Variants in SLC3A1 observed in about 807,000 individuals in gnomAD.
The protein encoded by SLC3A1 is amino acid transporter heavy chain SLC3A1.
A neutral mutation model predicts 60.3 loss-of-function variants in SLC3A1; 78 were observed. The observed-to-expected ratio is 1.29, with a 90% confidence interval of 1.08 to 1.56. SLC3A1 has a LOEUF of 1.56. Ranked by LOEUF, SLC3A1 falls within the 40% of genes most tolerant of loss-of-function variation. SLC3A1 has a pLI of 0.00. For synonymous variants in SLC3A1, 392 were observed against 307.9 expected (o/e 1.27, Z -2.86); for missense variants, 1,172 against 858.9 (o/e 1.36, Z -4.56).
intron 4 of SLC3A1, among the ~76,000 whole-genome samples, chr2:44,297,773 A>AT (rs1572801931): frequency 6.6e-6 from 1 of 152,098 alleles, no homozygotes; most frequent in African/African-American, 2.4e-5. Flanking sequence ...CTAATTTTTC[A>AT]TTTTTTGTAG....
intron 9 of SLC3A1, chr2:44,314,974 C>A (rs542995144): frequency 7.2e-6 from 1 of 139,852 alleles, no homozygotes; most frequent in Non-Finnish European, 1.5e-5. Context: ...TTTTGTTGCC[C>A]GGGCTAGAGT....
At position 44,304,230 on chromosome 2, in the gene SLC3A1, C is replaced by T; in HGVS notation, c.1224C>T (p.Pro408=). Residue 408 remains proline, a synonymous_variant, in exon 7 of 10, where the codon CCC becomes CCT. Transcript: ENST00000260649. ...CATTTATCCAAGAAGCTGATTTTCC[C>T]TTCAACAATTACCTCAGCATGCTAG... The part of the protein sequence containing the change: ...GLPFIQEADF[P]FNNYLSMLDT... 2 of 1,614,038 alleles carry T rather than the reference C, an allele frequency of 1.2e-6. No individual in the cohort carries two copies. The highest frequency in any genetic ancestry group is 1.7e-6 in the Non-Finnish European group (2 of 1,179,886).
At chr2:44,290,265 C>T (rs989766156) in intron 4 of SLC3A1, among the ~76,000 whole-genome samples, 2 of 152,004 alleles carry the variant, frequency 1.3e-5, no homozygotes, top group Non-Finnish European at 2.9e-5. Context: ...TTTCTGGACT[C>T]TCAGTTCTGT....
Position 44,320,357 on chromosome 2 carries a change from C to T in SLC3A1, c.1776C>T (p.Ile592=), listed in dbSNP as rs1672823157. ...GAGAGCTGGATGGCATCGACAGAAT[C>T]TTTATCGTGGTTCTGAATTTTGGAG... The part of the protein sequence containing the change: ...YTRELDGIDR[I]FIVVLNFGES... Residue 592 remains isoleucine, a synonymous_variant, in exon 10 of 10, where the codon ATC becomes ATT. Coordinates refer to ENST00000260649, the MANE Select transcript of SLC3A1 (RefSeq NM_000341.4). 6.2e-7 allele frequency: 1 copy of T among 1,613,988 alleles called. No homozygotes were observed. The highest frequency in any genetic ancestry group is 1.7e-5 in the Admixed American group (1 of 59,992).
At position 44,304,150 on chromosome 2, in the gene SLC3A1, G is replaced by A. The variant is rs1332349177; in HGVS notation, c.1144G>A (p.Gly382Arg). The A allele has an allele frequency of 1.2e-6, 2 of 1,613,806 alleles. No homozygotes were observed. The highest frequency in any genetic ancestry group is 3.3e-5 in the Admixed American group (2 of 60,006). The change falls in exon 7 of 10, where the codon GGG becomes AGG. Residue 382 changes from glycine to arginine, a missense_variant. Physicochemically the swap from Gly to Arg is moderately radical, Grantham distance 125. Coordinates refer to ENST00000260649, the MANE Select transcript of SLC3A1 (RefSeq NM_000341.4). The part of the protein sequence containing the change: ...STEPGRYRFM[G>R]TEAYAESIDR... ...CCTTGTCAACTCTTATAGGTTCATGGGGACTGAAGCCTATGCAGAGAGTAT... is the reference window on the plus strand; with the variant it reads ...CCTTGTCAACTCTTATAGGTTCATGAGGACTGAAGCCTATGCAGAGAGTAT...
intron 7 of SLC3A1, among the ~76,000 whole-genome samples, chr2:44,309,765 A>T (rs1408578648): frequency 6.6e-6 from 1 of 151,890 alleles, no homozygotes; most frequent in Non-Finnish European, 1.5e-5. Flanking sequence ...TGACTGGCTA[A>T]TTTTTGTATT....
intron 4 of SLC3A1, among the ~76,000 whole-genome samples, chr2:44,287,370 AAAG>A (rs753921165): frequency 6.6e-6 from 1 of 152,182 alleles, no homozygotes; most frequent in African/African-American, 2.4e-5. Flanking sequence ...TTTCGGGCAG[AAAG>A]AAGAACAAAT....
intron 4 of SLC3A1, among the ~76,000 whole-genome samples, 194 bp from the exon 5 acceptor site, chr2:44,299,777 C>T (rs895382994): frequency 1.3e-5 from 2 of 152,064 alleles, no homozygotes; most frequent in Non-Finnish European, 2.9e-5. Context: ...GTGTGGGAGT[C>T]GCTAAATGCA....
intron 4 of SLC3A1, among the ~76,000 whole-genome samples, chr2:44,290,683 CTT>C (rs11377273): frequency 3.5e-5 from 5 of 144,254 alleles, no homozygotes; most frequent in Non-Finnish European, 6.0e-5. Context: ...ATTTTTAAGA[CTT>C]TTTTTTTTTT....
chr2:44,307,458 G>C (rs1193978547), intron 7 of SLC3A1, among the ~76,000 whole-genome samples: 1 of 152,048 alleles, frequency 6.6e-6, no homozygotes, highest in East Asian at 1.9e-4. Context: ...ATTCCCACCA[G>C]CAATGTTACG....
chr2:44,320,817 A>T lies in SLC3A1; in HGVS notation c.*178A>T, dbSNP rs913420984. On this transcript the variant is annotated 3_prime_UTR_variant, in exon 10 of 10. Coordinates refer to ENST00000260649, the MANE Select transcript of SLC3A1 (RefSeq NM_000341.4). ...TGTTTTGAAAAAAATAAAATGTTTA[A>T]AAGTAAATTATGGCTTATAGGAGCT... 4.7e-6 allele frequency: 3 copies of T among 638,002 alleles called. No homozygotes were observed. Among genetic ancestry groups the T allele is most frequent in the Admixed American group, 5.3e-5 (2 of 38,072 alleles). 39.5% of individuals were successfully genotyped at this position (638,002 alleles called of 1,614,324 possible).
rs561736724 is a variant in SLC3A1, at chr2:44,285,838, A to T, written c.766-194A>T. 4.3e-5 allele frequency: 31 copies of T among 720,664 alleles called. No individual in the cohort carries two copies. In the Admixed American group the frequency reaches 6.4e-4, roughly 15 times the overall value. 44.6% of individuals were successfully genotyped at this position (720,664 alleles called of 1,614,324 possible). Reference sequence around the variant, plus strand: ...GCATCTACTGTAAAAATACGTTGCAACCATGTTTGTGAGGCATTAGGCCAA... The same window carrying T: ...GCATCTACTGTAAAAATACGTTGCATCCATGTTTGTGAGGCATTAGGCCAA... On this transcript the variant is annotated intron_variant, in intron 3 of 9. Coordinates refer to ENST00000260649, the MANE Select transcript of SLC3A1 (RefSeq NM_000341.4).
At position 44,283,990 on chromosome 2, in the gene SLC3A1, G is replaced by A. The variant is rs559895696; in HGVS notation, c.766-2042G>A. Among the ~76,000 whole-genome samples the A allele has an allele frequency of 3.3e-5, 5 of 152,212 alleles. No individual in the cohort carries two copies. In the East Asian group the frequency reaches 9.6e-4, roughly 29 times the overall value. Reference sequence around the variant, plus strand: ...TGGTTTACTTATCCACTCTTCAGTTGATGGGAAGTTGGGCTACTTCCGTTT... The same window carrying A: ...TGGTTTACTTATCCACTCTTCAGTTAATGGGAAGTTGGGCTACTTCCGTTT... On this transcript the variant is annotated intron_variant, in intron 3 of 9. Coordinates refer to ENST00000260649, the MANE Select transcript of SLC3A1 (RefSeq NM_000341.4).
intron 4 of SLC3A1, among the ~76,000 whole-genome samples, chr2:44,293,174 T>TAG (rs1452725409): frequency 6.6e-6 from 1 of 152,068 alleles, no homozygotes; most frequent in Non-Finnish European, 1.5e-5. Context: ...CTTAGGTATG[T>TAG]AGAGTTGGAG....
intron 5 of SLC3A1, among the ~76,000 whole-genome samples, chr2:44,300,641 A>G (rs1165812641): frequency 6.6e-6 from 1 of 152,186 alleles, no homozygotes; most frequent in Non-Finnish European, 1.5e-5. Context: ...TAGTTTTGTG[A>G]GCAGATAAAG....
intron 6 of SLC3A1, 118 bp from the exon 7 acceptor site, chr2:44,304,025 A>C: frequency 1.2e-6 from 1 of 811,968 alleles, no homozygotes; most frequent in Non-Finnish European, 2.2e-6. Context: ...CTAGTCCTAT[A>C]TGGTTAATAG....
At chr2:44,312,172 T>A (rs1672314230) in intron 7 of SLC3A1, among the ~76,000 whole-genome samples, 2 of 152,218 alleles carry the variant, frequency 1.3e-5, no homozygotes, top group African/African-American at 4.8e-5. Context: ...AAATTTTGTC[T>A]GAATAATTCA....
intron 9 of SLC3A1, among the ~76,000 whole-genome samples, chr2:44,316,644 A>G (rs538747465): frequency 6.6e-6 from 1 of 152,330 alleles, no homozygotes; most frequent in African/African-American, 2.4e-5. Context: ...GAACTCCAAA[A>G]CTACTCAGAA....
At chr2:44,301,572 C>T (rs1672009178) in intron 6 of SLC3A1, among the ~76,000 whole-genome samples, 1 of 151,854 alleles carries the variant, frequency 6.6e-6, no homozygotes, top group Non-Finnish European at 1.5e-5. Flanking sequence ...AACCCCATCT[C>T]TACTAAAAAT....
Sources: gnomAD v4.1 joint callset for allele counts (sites outside exome capture counted in the v4.1 genomes callset) on GRCh38, gnomAD v4.1.1 for gene constraint, MANE v1.5 for transcripts, NCBI Gene and HGNC (gene_info 2026-07-23, HGNC 2026-07-21) for gene names.